TCF21: variants seen among roughly 807,000 people sequenced by gnomAD.
TCF21 encodes the protein transcription factor 21, also known as capsulin.
In TCF21, 3 loss-of-function variants were observed where a neutral mutation model predicts 13.5. The observed-to-expected ratio is 0.22, with a 90% CI of 0.10 to 0.57. TCF21 has a LOEUF of 0.57. Among genes scored for constraint, TCF21 ranks in the 20% least tolerant of loss-of-function variants. TCF21 has a pLI of 0.92. For missense variants in TCF21, 181 were observed against 238.4 expected (o/e 0.76, Z 1.59); for synonymous variants, 92 against 101.7 (o/e 0.90, Z 0.57).
In TCF21 at chr6:133,889,292, G is replaced by A. The variant is rs1219530449; in HGVS notation, c.-106G>A. ...CAGGAGGTGGCTGCGCCACACTCGG[G>A]AGGCCTCTTGGTTTCAGGGTCTCTC... On this transcript the variant is annotated 5_prime_UTR_variant, in exon 1 of 2. Coordinates refer to ENST00000367882, the MANE Select transcript of TCF21 (RefSeq NM_003206.4). This position sits in a 1 kb window ranked among gnomAD's most constrained non-coding sequence, Gnocchi z 5.1. The A allele has an allele frequency of 6.9e-7, 1 of 1,443,018 alleles. No individual in the cohort carries two copies. The highest frequency in any genetic ancestry group is 1.4e-5 in the African/African-American group (1 of 71,758). The allele number at this position is 1,443,018 out of a possible 1,614,324, so 89.4% of individuals were successfully genotyped here.
At chr6:133,894,321 A>G (rs1562637099), downstream of TCF21, 1 of 152,148 alleles carries the variant, frequency 6.6e-6, no homozygotes, top group East Asian at 1.9e-4. Context: ...TTTCCTAGAA[A>G]TCCAGAGAGC....
At position 133,889,972 on chromosome 6, in the gene TCF21, A is replaced by C; in HGVS notation, c.450+125A>C. ...CGGCGGTGACTTACACATCTCGACC[A>C]CCGCGGGCCTAGAGCCTCCAGGGAC... is the stretch of plus-strand genomic sequence containing the variant. On this transcript the variant is annotated intron_variant, in intron 1 of 1. Coordinates refer to ENST00000367882, the MANE Select transcript of TCF21 (RefSeq NM_003206.4). This position sits in a 1 kb window ranked among gnomAD's most constrained non-coding sequence, Gnocchi z 5.1. The C allele has an allele frequency of 3.7e-6, 4 of 1,077,466 alleles. No individual in the cohort carries two copies. Among genetic ancestry groups the C allele is most frequent in the Non-Finnish European group, 5.6e-6 (4 of 719,294 alleles). 66.7% of individuals were successfully genotyped at this position (1,077,466 alleles called of 1,614,324 possible).
chr6:133,890,839 C>T (rs540570897), intron 1 of TCF21, among the ~76,000 whole-genome samples: 33 of 152,296 alleles, frequency 2.2e-4, no homozygotes, highest in Non-Finnish European at 4.7e-4. Context: ...GAATTGGTTT[C>T]TGGAATTGCT....
chr6:133,891,846 C>T lies in TCF21; in HGVS notation c.*44C>T, dbSNP rs776420567. ...GGGAAAGGCGCGCTCCCGGGGGGAG[C>T]GGGCCCCGGGAAGGCGACCCCTGCC... On this transcript the variant is annotated 3_prime_UTR_variant, in exon 2 of 2. Transcript: ENST00000367882. 1.1e-5 allele frequency: 18 copies of T among 1,605,444 alleles called. No homozygotes were observed. In the East Asian group the frequency reaches 3.4e-4, roughly 30 times the overall value.
chr6:133,890,131 G>C (rs1027940432), intron 1 of TCF21, among the ~76,000 whole-genome samples: 5 of 152,196 alleles, frequency 3.3e-5, no homozygotes, highest in Admixed American at 6.5e-5. Flanking sequence ...ACAGAGGAGG[G>C]ATCCCCCGCT....
intron 1 of TCF21, among the ~76,000 whole-genome samples, chr6:133,890,291 A>G (rs1775189189): frequency 6.6e-6 from 1 of 152,214 alleles, no homozygotes; most frequent in Non-Finnish European, 1.5e-5. Flanking sequence ...TTGTAAATAA[A>G]AACACCCAAC....
At chr6:133,892,299 G>GA (rs1288239850), downstream of TCF21, 8 of 152,244 alleles carry the variant, frequency 5.3e-5, no homozygotes, top group Non-Finnish European at 1.2e-4. Flanking sequence ...TTTGGAATAA[G>GA]AAAGTGGGAA....
intron 1 of TCF21, among the ~76,000 whole-genome samples, chr6:133,890,851 GAGA>G (rs1400878690): frequency 1.3e-5 from 2 of 152,178 alleles, no homozygotes; most frequent in Admixed American, 1.3e-4. Context: ...GGAATTGCTG[GAGA>G]AGAAGATGCA....
Position 133,891,703 on chromosome 6 carries a change from T to C in TCF21, c.451-10T>C. ...GCCACTTACCTCCTCCACCCTCTTC[T>C]TTCCCGCAGACGTGGCCCTTTATGG... is the stretch of plus-strand genomic sequence containing the variant. On this transcript the variant is annotated splice_polypyrimidine_tract_variant and intron_variant, in intron 1 of 1. Transcript: ENST00000367882. The C allele has an allele frequency of 1.3e-6, 2 of 1,499,248 alleles. No individual in the cohort carries two copies. Among genetic ancestry groups the C allele is most frequent in the Non-Finnish European group, 9.0e-7 (1 of 1,106,526 alleles). The allele number at this position is 1,499,248 out of a possible 1,614,324, so 92.9% of individuals were successfully genotyped here.
chr6:133,891,768 C>T lies in TCF21; in HGVS notation c.506C>T (p.Thr169Ile). 6.2e-7 allele frequency: 1 copy of T among 1,613,988 alleles called. No homozygotes were observed. ...GAGAGTGACCTGAAAGAAGTGGTGA[C>T]CGCGAGCCGCTTATGTGGAACCACC... ...KPESDLKEVV[T>I]ASRLCGTTAS The change falls in exon 2 of 2, where the codon ACC (threonine) becomes ATC (isoleucine). Residue 169 changes from threonine (T) to isoleucine (I), a missense_variant. Thr to Ile is a moderately conservative substitution (Grantham distance 89). Around this residue, in one of 3 missense-constraint regions of TCF21, gnomAD observed 55 missense variants for 59.5 expected, o/e 0.92. Transcript: ENST00000367882.
chr6:133,889,320 T>A lies in TCF21; in HGVS notation c.-78T>A. The A allele has an allele frequency of 6.4e-7, 1 of 1,574,208 alleles. No individual in the cohort carries two copies. Among genetic ancestry groups the A allele is most frequent in the Non-Finnish European group, 8.7e-7 (1 of 1,153,338 alleles). On this transcript the variant is annotated 5_prime_UTR_variant, in exon 1 of 2. Coordinates refer to ENST00000367882, the MANE Select transcript of TCF21 (RefSeq NM_003206.4). This position sits in a 1 kb window ranked among gnomAD's most constrained non-coding sequence, Gnocchi z 5.1. ...GCCTCTTGGTTTCAGGGTCTCTCTGTCTCTCTCTCACCCTCTTCCTCGCTT... is the reference window on the plus strand; with the variant it reads ...GCCTCTTGGTTTCAGGGTCTCTCTGACTCTCTCTCACCCTCTTCCTCGCTT...
chr6:133,889,742 C>G lies in TCF21; in HGVS notation c.345C>G (p.Leu115=). 1 of 1,613,626 alleles carries G rather than the reference C, an allele frequency of 6.2e-7. No homozygotes were observed. The highest frequency in any genetic ancestry group is 1.7e-5 in the Admixed American group (1 of 60,036). ...TLPWVPPDTK[L]SKLDTLRLAS... ...CCTGGGTGCCCCCCGACACCAAGCT[C>G]TCCAAGCTGGACACGCTCAGGCTGG... The change falls in exon 1 of 2, where the codon CTC becomes CTG. Residue 115 remains leucine, a synonymous_variant. Coordinates refer to ENST00000367882, the MANE Select transcript of TCF21 (RefSeq NM_003206.4). The surrounding 1 kb of genome is among the most constrained non-coding windows in gnomAD (Gnocchi z 5.1).
intron 1 of TCF21, among the ~76,000 whole-genome samples, chr6:133,891,048 C>T (rs1392336708): frequency 6.6e-6 from 1 of 152,134 alleles, no homozygotes; most frequent in African/African-American, 2.4e-5. Flanking sequence ...ATAAAACAGC[C>T]CGGAGAAAGG....
downstream of TCF21, chr6:133,892,851 C>A (rs1775244261): frequency 6.6e-6 from 1 of 152,196 alleles, no homozygotes; most frequent in Non-Finnish European, 1.5e-5. Flanking sequence ...CCACGACTTC[C>A]GGCGGACTGG....
downstream of TCF21, chr6:133,894,944 G>A (rs1223541280): frequency 1.1e-4 from 17 of 152,166 alleles, no homozygotes; most frequent in Admixed American, 6.5e-4. Flanking sequence ...TCAAGTAAGC[G>A]AGTCTGCAAG....
chr6:133,891,760 A>G lies in TCF21; in HGVS notation c.498A>G (p.Glu166=), dbSNP rs1254196277. The G allele has an allele frequency of 4.3e-6, 7 of 1,614,054 alleles. No individual in the cohort carries two copies. The highest frequency in any genetic ancestry group is 5.1e-6 in the Non-Finnish European group (6 of 1,180,000). ...GGAAACCCGAGAGTGACCTGAAAGA[A>G]GTGGTGACCGCGAGCCGCTTATGTG... The part of the protein sequence containing the change: ...VAGKPESDLK[E]VVTASRLCGT... Residue 166 remains glutamate (E), a synonymous_variant, in exon 2 of 2, where the codon GAA becomes GAG. Coordinates refer to ENST00000367882, the MANE Select transcript of TCF21 (RefSeq NM_003206.4).
chr6:133,894,668 T>C, downstream of TCF21: 1 of 152,660 alleles, frequency 6.6e-6, no homozygotes, highest in Non-Finnish European at 1.5e-5. Flanking sequence ...AGGGTAAAAC[T>C]CCCAGCCTAC....
Position 133,891,850 on chromosome 6 carries a change from C to A in TCF21, c.*48C>A. Reference sequence around the variant, plus strand: ...AAGGCGCGCTCCCGGGGGGAGCGGGCCCCGGGAAGGCGACCCCTGCCCTCA... The same window carrying A: ...AAGGCGCGCTCCCGGGGGGAGCGGGACCCGGGAAGGCGACCCCTGCCCTCA... On this transcript the variant is annotated 3_prime_UTR_variant, in exon 2 of 2. Coordinates refer to ENST00000367882, the MANE Select transcript of TCF21 (RefSeq NM_003206.4). 1 of 1,602,990 alleles carries A rather than the reference C, an allele frequency of 6.2e-7. No homozygotes were observed. The highest frequency in any genetic ancestry group is 8.5e-7 in the Non-Finnish European group (1 of 1,172,856).
In TCF21 at chr6:133,889,582, C is replaced by A. The variant is rs1412887697; in HGVS notation, c.185C>A (p.Ala62Glu). ...GRGGLGKRRKAPTKKSPLSGV... is the reference protein window; with the variant it reads ...GRGGLGKRRKEPTKKSPLSGV... ...GGCGGCCTGGGCAAGAGGAGGAAGG[C>A]GCCCACCAAGAAGAGCCCCCTGAGC... The change falls in exon 1 of 2, where the codon GCG becomes GAG. Residue 62 changes from alanine to glutamate, a missense_variant. Ala to Glu is a moderately radical substitution (Grantham distance 107, BLOSUM62 -1). Coordinates refer to ENST00000367882, the MANE Select transcript of TCF21 (RefSeq NM_003206.4). The surrounding 1 kb of genome is among the most constrained non-coding windows in gnomAD (Gnocchi z 5.1). 2 of 1,613,736 alleles carry A rather than the reference C, an allele frequency of 1.2e-6. No individual in the cohort carries two copies. The highest frequency in any genetic ancestry group is 1.7e-5 in the Admixed American group (1 of 60,000).
Sources: gnomAD v4.1 joint callset for allele counts (sites outside exome capture counted in the v4.1 genomes callset) on GRCh38, gnomAD v4.1.1 for gene constraint, gnomAD v4.1.1 regional missense constraint, Gnocchi (gnomAD v3.1) non-coding constraint, MANE v1.5 for transcripts, NCBI Gene and HGNC (gene_info 2026-07-23, HGNC 2026-07-21) for gene names.